The following CHIC2 variants were observed in gnomAD, a reference collection of about 807,000 sequenced individuals.
CHIC2 encodes cysteine-rich hydrophobic domain-containing protein 2.
Under a neutral mutation model 25.9 loss-of-function variants are expected in CHIC2, and 14 were observed. The observed-to-expected ratio is 0.54, with a 90% confidence interval of 0.36 to 0.85. The LOEUF is 0.85. CHIC2 is among the 40% of genes least tolerant of loss of function. CHIC2 has a pLI of 0.01. For missense variants in CHIC2, 146 were observed against 202.0 expected (o/e 0.72, Z 1.68); for synonymous variants, 70 against 72.0 (o/e 0.97, Z 0.14).
chr4:54,064,694 T>C (rs954735362), upstream of CHIC2: 29 of 1,003,816 alleles, frequency 2.9e-5, no homozygotes, highest in East Asian at 1.8e-3. This position sits in a 1 kb window ranked among gnomAD's most constrained non-coding sequence, Gnocchi z 4.2. Flanking sequence ...GGCGCGTGCG[T>C]GGGCGCGTGG....
At chr4:54,046,411 A>AT (rs1235792392) in intron 3 of CHIC2, among the ~76,000 whole-genome samples, 10 of 152,134 alleles carry the variant, frequency 6.6e-5, no homozygotes, top group African/African-American at 2.2e-4. Context: ...TACTACAAGG[A>AT]TACAGTAACC....
chr4:54,061,587 TC>T (rs1439884530), intron 1 of CHIC2, among the ~76,000 whole-genome samples: 1 of 152,090 alleles, frequency 6.6e-6, no homozygotes, highest in East Asian at 1.9e-4. Flanking sequence ...TAATAGCTCT[TC>T]CCATTTATAT....
chr4:54,012,374 T>C (rs1235239877), intron 5 of CHIC2, among the ~76,000 whole-genome samples: 1 of 152,160 alleles, frequency 6.6e-6, no homozygotes, highest in Admixed American at 6.6e-5. Context: ...GGAAACTTAT[T>C]TGACAAACAA....
intron 1 of CHIC2, among the ~76,000 whole-genome samples, chr4:54,052,732 A>G (rs982674041): frequency 1.3e-4 from 20 of 152,206 alleles, no homozygotes; most frequent in African/African-American, 4.6e-4. Context: ...TGTTGGCAAG[A>G]AGGTCAAGAT....
At chr4:54,069,881 G>A in the CHIC2 span, among the ~76,000 whole-genome samples, 1 of 152,144 alleles carries the variant, frequency 6.6e-6, no homozygotes, top group Non-Finnish European at 1.5e-5. Flanking sequence ...AGGAACTAGG[G>A]ATTTAGCAGT....
intron 3 of CHIC2, among the ~76,000 whole-genome samples, chr4:54,045,282 C>T (rs943792347): frequency 2.0e-5 from 3 of 152,132 alleles, no homozygotes; most frequent in African/African-American, 7.2e-5. Context: ...ACAAGGAATC[C>T]TCCCTAACTC....
chr4:54,017,034 C>T (rs1715758986), intron 3 of CHIC2, among the ~76,000 whole-genome samples: 1 of 152,024 alleles, frequency 6.6e-6, no homozygotes, highest in Admixed American at 6.6e-5. Context: ...AAAAATGACA[C>T]TTCAGCATTT....
At chr4:54,017,472 G>A (rs1715770286) in intron 3 of CHIC2, among the ~76,000 whole-genome samples, 1 of 152,132 alleles carries the variant, frequency 6.6e-6, no homozygotes, top group Admixed American at 6.6e-5. Flanking sequence ...CTATTTAGCT[G>A]AAAGAACAGG....
At chr4:54,048,357 C>G (rs1244627270) in intron 3 of CHIC2, among the ~76,000 whole-genome samples, 1 of 152,102 alleles carries the variant, frequency 6.6e-6, no homozygotes, top group Non-Finnish European at 1.5e-5. Context: ...TACAGAATCA[C>G]TTTGTGCTCA....
At chr4:54,040,656 C>A (rs1223418174) in intron 3 of CHIC2, among the ~76,000 whole-genome samples, 2 of 144,614 alleles carry the variant, frequency 1.4e-5, no homozygotes, top group African/African-American at 5.2e-5. Flanking sequence ...AGCTGAGAGA[C>A]CACACCACTG....
chr4:54,011,632 T>C (rs1715592592), intron 5 of CHIC2, among the ~76,000 whole-genome samples: 1 of 152,080 alleles, frequency 6.6e-6, no homozygotes, highest in South Asian at 2.1e-4. Flanking sequence ...CCACACTTTA[T>C]AATATACACT....
chr4:54,035,192 G>A (rs551465302), intron 3 of CHIC2, among the ~76,000 whole-genome samples: 2 of 152,220 alleles, frequency 1.3e-5, no homozygotes, highest in South Asian at 2.1e-4. Context: ...ACATTTTTCT[G>A]TAGACTTTTC....
At chr4:54,087,157 A>C in the CHIC2 span, 169,544 of 763,808 alleles carry the variant, frequency 0.22, 20,027 homozygotes, top group South Asian at 0.29. Context: ...GAAAGAACAA[A>C]CAGAGGACTC....
intron 3 of CHIC2, among the ~76,000 whole-genome samples, chr4:54,017,561 G>A (rs1237248742): frequency 6.6e-6 from 1 of 152,178 alleles, no homozygotes; most frequent in African/African-American, 2.4e-5. Flanking sequence ...CCCTGGGGGT[G>A]AGGGGACAGG....
At chr4:54,065,787 T>C (rs894461520), upstream of CHIC2, among the ~76,000 whole-genome samples, 6 of 152,208 alleles carry the variant, frequency 3.9e-5, no homozygotes, top group Admixed American at 2.0e-4. Flanking sequence ...TTTAGATGGG[T>C]CACTGTTGAC....
At chr4:54,076,165 T>C in the CHIC2 span, among the ~76,000 whole-genome samples, 1 of 151,968 alleles carries the variant, frequency 6.6e-6, no homozygotes, top group Non-Finnish European at 1.5e-5. Context: ...AAGGCACAGC[T>C]GTAGTCCCAG....
chr4:54,035,245 G>A (rs960653759), intron 3 of CHIC2, among the ~76,000 whole-genome samples: 8 of 152,090 alleles, frequency 5.3e-5, no homozygotes, highest in African/African-American at 1.9e-4. Flanking sequence ...GGGTAACGAT[G>A]GCCTCATAAA....
At chr4:54,011,718 A>G (rs935050803) in intron 5 of CHIC2, among the ~76,000 whole-genome samples, 9 of 151,954 alleles carry the variant, frequency 5.9e-5, no homozygotes, top group African/African-American at 2.2e-4. Flanking sequence ...ATATTCTACA[A>G]ATTTTTCCTT....
the CHIC2 span, among the ~76,000 whole-genome samples, chr4:54,089,392 CATAT>C: frequency 0.016 from 2,349 of 144,582 alleles, 24 homozygotes; most frequent in Non-Finnish European, 0.023. Flanking sequence ...CACCACATTC[CATAT>C]ATATATATAT....
Sources: allele counts gnomAD v4.1 joint callset (sites outside exome capture counted in the v4.1 genomes callset), GRCh38; gene constraint gnomAD v4.1.1; non-coding constraint Gnocchi (gnomAD v3.1); transcripts MANE v1.5; gene names NCBI Gene and HGNC (gene_info 2026-07-23, HGNC 2026-07-21).